Variants in WDPCP observed in about 807,000 individuals in gnomAD.
WDPCP encodes the protein WD repeat-containing and planar cell polarity effector protein fritz homolog.
WDPCP carries 71 observed loss-of-function variants against 93.1 expected under a neutral mutation model. That is an observed-to-expected ratio of 0.76 (90% CI 0.63 to 0.93). The LOEUF (loss-of-function observed/expected upper bound fraction) is 0.93. WDPCP is among the 40% of genes least tolerant of loss of function. WDPCP has a pLI of 0.00. For synonymous variants in WDPCP, 315 were observed against 315.0 expected, an observed-to-expected ratio of 1.00 and a Z score of 0.00; for missense variants, 844 against 887.4, an observed-to-expected ratio of 0.95 and a Z score of 0.62.
chr2:63,588,969 G>C (rs947512005), upstream of WDPCP: 9 of 1,609,882 alleles, frequency 5.6e-6, no homozygotes, highest in Non-Finnish European at 7.7e-6. Context: ...CTCCGAGTCA[G>C]TTCCGCGGTA....
intron 1 of WDPCP, among the ~76,000 whole-genome samples, chr2:63,540,928 T>C (rs754186703): frequency 2.6e-5 from 4 of 151,810 alleles, no homozygotes; most frequent in Non-Finnish European, 1.5e-5. Context: ...GTTTTTCTGT[T>C]TTTGTTTTGT....
At chr2:63,320,357 T>C (rs541484810) in intron 12 of WDPCP, among the ~76,000 whole-genome samples, 6 of 152,182 alleles carry the variant, frequency 3.9e-5, no homozygotes, top group African/African-American at 1.4e-4. Flanking sequence ...AAATGCTAGA[T>C]GGAAATGCAG....
intron 14 of WDPCP, among the ~76,000 whole-genome samples, chr2:63,248,391 T>C (rs1471747448): frequency 6.6e-6 from 1 of 152,168 alleles, no homozygotes; most frequent in Admixed American, 6.6e-5. Context: ...CTTTCAACAA[T>C]TTGATTATAA....
chr2:63,197,038 T>G (rs1192177506), intron 14 of WDPCP, among the ~76,000 whole-genome samples: 2 of 152,098 alleles, frequency 1.3e-5, no homozygotes, highest in Non-Finnish European at 2.9e-5. Context: ...AATAAACAAA[T>G]TATGATGTAT....
In WDPCP at chr2:63,493,469, A is replaced by T. The variant is rs147395875; in HGVS notation, c.76-529T>A. On this transcript the variant is annotated intron_variant, in intron 1 of 17. Transcript: ENST00000272321. ...ATAAGAAACATAATTACTTAAAAGT[A>T]AACTCTGAAACCACATTAGCATTCA... Among the ~76,000 whole-genome samples the T allele has an allele frequency of 1.5e-3, 228 of 152,168 alleles. 1 individual carries two copies. Among genetic ancestry groups the T allele is most frequent in the Middle Eastern group, 0.01 (3 of 294 alleles).
intron 13 of WDPCP, among the ~76,000 whole-genome samples, chr2:63,296,120 A>G (rs1684832848): frequency 6.6e-6 from 1 of 152,134 alleles, no homozygotes. Flanking sequence ...CCAGGGATAC[A>G]AGGATGGTTC....
chr2:63,188,713 T>A (rs1217356425), intron 14 of WDPCP, among the ~76,000 whole-genome samples: 1 of 152,164 alleles, frequency 6.6e-6, no homozygotes, highest in Non-Finnish European at 1.5e-5. Flanking sequence ...TCTGTGCAGT[T>A]CTGTGTTCTC....
chr2:63,637,108 C>G (rs1405203778), intron 3 of WDPCP, among the ~76,000 whole-genome samples: 1 of 152,112 alleles, frequency 6.6e-6, no homozygotes, highest in Non-Finnish European at 1.5e-5. Context: ...AATCCCAGAA[C>G]TTTGGTAGGC....
At chr2:63,751,155 A>G (rs1669875338) in intron 2 of WDPCP, among the ~76,000 whole-genome samples, 1 of 152,126 alleles carries the variant, frequency 6.6e-6, no homozygotes, top group African/African-American at 2.4e-5. Flanking sequence ...AGGACTATTA[A>G]TGTTTTTGTT....
Position 63,690,844 on chromosome 2 carries a change from A to G in WDPCP, n.309-40006T>C, listed in dbSNP as rs140293155. Among the ~76,000 whole-genome samples the G allele has an allele frequency of 2.6e-5, 4 of 152,310 alleles. No homozygotes were observed. The East Asian group carries it at 7.7e-4, about 29-fold the overall frequency. On this transcript the variant is annotated intron_variant and non_coding_transcript_variant, in intron 2 of 4. Coordinates refer to the WDPCP transcript ENST00000467687. ...TGAATATGTGTAAAGTTTACCTGTA[A>G]TGATTCCATTGCGTAGTTGTTAAAA...
At chr2:63,319,631 A>G (rs985929911) in intron 12 of WDPCP, among the ~76,000 whole-genome samples, 4 of 151,962 alleles carry the variant, frequency 2.6e-5, no homozygotes, top group African/African-American at 9.7e-5. Context: ...GGGGCCCACT[A>G]CCGCGCCTGG....
At chr2:63,145,009 C>T (rs962136090) in intron 17 of WDPCP, among the ~76,000 whole-genome samples, 2 of 152,160 alleles carry the variant, frequency 1.3e-5, no homozygotes, top group Admixed American at 6.5e-5. Context: ...AGCTGTACTA[C>T]AGTGATTGTT....
intron 1 of WDPCP, among the ~76,000 whole-genome samples, chr2:63,543,831 G>A (rs1236351130): frequency 6.6e-6 from 1 of 152,024 alleles, no homozygotes; most frequent in Non-Finnish European, 1.5e-5. Context: ...ATAGTAGAAG[G>A]TAAGCCTCTT....
At chr2:63,515,445 T>C (rs1281083192) in intron 1 of WDPCP, among the ~76,000 whole-genome samples, 3 of 152,174 alleles carry the variant, frequency 2.0e-5, no homozygotes, top group South Asian at 2.1e-4. Context: ...CAATAAAAGG[T>C]TGAATGCTGT....
In WDPCP at chr2:63,787,550, C is replaced by T. The variant is rs188151177; in HGVS notation, n.308+26072G>A. 3.2e-4 allele frequency among the ~76,000 whole-genome samples: 48 copies of T among 152,228 alleles called. No individual in the cohort carries two copies. The East Asian group carries it at 9.3e-3, about 29-fold the overall frequency. ...TGAAACTATGAAGAATCAAATGTGA[C>T]TGATTTTCGTTGGCTGTTCCAGAAC... On this transcript the variant is annotated intron_variant and non_coding_transcript_variant, in intron 2 of 4. Coordinates refer to the WDPCP transcript ENST00000467687.
intron 9 of WDPCP, among the ~76,000 whole-genome samples, chr2:63,419,449 T>C (rs1484888675): frequency 6.6e-6 from 1 of 152,206 alleles, no homozygotes; most frequent in African/African-American, 2.4e-5. Context: ...CCCTTAAGTG[T>C]ATCTTAAAGT....
intron 9 of WDPCP, among the ~76,000 whole-genome samples, chr2:63,424,954 T>C (rs1000217997): frequency 1.3e-5 from 2 of 152,186 alleles, no homozygotes; most frequent in African/African-American, 2.4e-5. Flanking sequence ...ATGCTGCGAA[T>C]GTGCTGAAAT....
intron 2 of WDPCP, among the ~76,000 whole-genome samples, chr2:63,788,039 T>A (rs939957987): frequency 6.6e-6 from 1 of 151,726 alleles, no homozygotes; most frequent in Admixed American, 6.6e-5. Flanking sequence ...AGACTCTGTC[T>A]CAAAAAATAA....
At chr2:63,228,190 A>G (rs1678452916) in intron 14 of WDPCP, among the ~76,000 whole-genome samples, 1 of 152,010 alleles carries the variant, frequency 6.6e-6, no homozygotes, top group Non-Finnish European at 1.5e-5. Flanking sequence ...AATTTTTAAA[A>G]GATTCAAAGG....
Sources: allele counts gnomAD v4.1 joint callset (sites outside exome capture counted in the v4.1 genomes callset), GRCh38; gene constraint gnomAD v4.1.1; transcripts MANE v1.5; gene names NCBI Gene and HGNC (gene_info 2026-07-23, HGNC 2026-07-21).